CLTRN: variants seen among roughly 807,000 people sequenced by gnomAD.
The protein encoded by CLTRN is collectrin.
In CLTRN, 12 loss-of-function variants were observed where a neutral mutation model predicts 14.5. The observed-to-expected ratio is 0.83, with a 90% CI of 0.53 to 1.34. The LOEUF (loss-of-function observed/expected upper bound fraction) is 1.34. Ranked by LOEUF, CLTRN falls within the 40% of genes most tolerant of loss-of-function variation. The pLI is 0.00. For missense variants in CLTRN, 154 were observed against 165.1 expected, an observed-to-expected ratio of 0.93 and a Z score of 0.37; for synonymous variants, 58 against 56.5, an observed-to-expected ratio of 1.03 and a Z score of -0.12.
At chrX:15,648,598 G>A (rs756021677) in intron 3 of CLTRN, among the ~76,000 whole-genome samples, 2 of 111,317 alleles carry the variant, frequency 1.8e-5, no homozygotes, top group Non-Finnish European at 3.8e-5. Flanking sequence ...AGATCACGAG[G>A]TCAGGAGTTT....
Position 15,662,134 on chromosome X carries a change from C to T in CLTRN, c.117+2203G>A, listed in dbSNP as rs374698325. The stretch of plus-strand genomic sequence containing the variant: ...GTTCTCTTTCTCATGGGTCACATAA[C>T]TATTTCAAACCTCTCTCTAGAGAGA... On this transcript the variant is annotated intron_variant, in intron 2 of 5. Transcript: ENST00000380342. Among the ~76,000 whole-genome samples, 7 of 110,831 alleles carry T rather than the reference C, an allele frequency of 6.3e-5. No homozygotes were observed. The East Asian group carries it at 8.5e-4, about 13-fold the overall frequency.
chrX:15,643,637 T>A (rs184719541), intron 4 of CLTRN, among the ~76,000 whole-genome samples: 1 of 112,184 alleles, frequency 8.9e-6, no homozygotes, highest in Non-Finnish European at 1.9e-5. Flanking sequence ...GTGAGAGTCT[T>A]AACAGTATTC....
In CLTRN at chrX:15,627,821, G is replaced by A; in HGVS notation, c.*150C>T. On this transcript the variant is annotated 3_prime_UTR_variant, in exon 6 of 6. Transcript: ENST00000380342. ...TTCAGTGGTGTTGGTGGGTATAATT[G>A]ATTGCTTTTCACTTTCAAGCACATT... The A allele has an allele frequency of 8.2e-6, 3 of 367,865 alleles. No homozygotes were observed. Among genetic ancestry groups the A allele is most frequent in the Non-Finnish European group, 1.3e-5 (3 of 231,187 alleles). The allele number at this position is 367,865 out of a possible 1,213,427, so 30.3% of individuals were successfully genotyped here. A position where few individuals can be genotyped will look rare whatever the true frequency, so the allele number is the denominator to read the frequency against.
At chrX:15,659,214 G>GCA (rs990990103) in intron 2 of CLTRN, 113 bp from the exon 3 acceptor site, 68 of 242,631 alleles carry the variant, frequency 2.8e-4, no homozygotes, top group East Asian at 1.3e-3. Flanking sequence ...ACACACACAC[G>GCA]CACACACACA....
At chrX:15,630,721 T>C (rs1368609011) in intron 5 of CLTRN, among the ~76,000 whole-genome samples, 2 of 111,844 alleles carry the variant, frequency 1.8e-5, no homozygotes, top group African/African-American at 6.5e-5. Context: ...TAGGGAAAGA[T>C]AGGCTGCTAT....
chrX:15,639,133 C>A (rs918231186), intron 5 of CLTRN, among the ~76,000 whole-genome samples: 4 of 111,728 alleles, frequency 3.6e-5, no homozygotes, highest in Admixed American at 2.9e-4. Context: ...AAGATGGTAG[C>A]CTGCATGCAC....
intron 2 of CLTRN, among the ~76,000 whole-genome samples, chrX:15,662,211 C>T (rs1409066424): frequency 9.2e-6 from 1 of 109,288 alleles, no homozygotes; most frequent in Admixed American, 9.8e-5. Flanking sequence ...AATGGTTTCC[C>T]TCAAACCTCA....
chrX:15,675,344 G>C (rs1929817563), upstream of CLTRN, among the ~76,000 whole-genome samples: 1 of 111,249 alleles, frequency 9.0e-6, no homozygotes, highest in African/African-American at 3.3e-5. Flanking sequence ...GGGCTGCGGA[G>C]TAGTGACCGG....
In CLTRN at chrX:15,663,663, C is replaced by G. The variant is rs765061619; in HGVS notation, c.117+674G>C. Among the ~76,000 whole-genome samples, 8 of 112,294 alleles carry G rather than the reference C, an allele frequency of 7.1e-5. No individual in the cohort carries two copies. In the South Asian group the frequency reaches 3.0e-3, roughly 41 times the overall value. On this transcript the variant is annotated intron_variant, in intron 2 of 5. Coordinates refer to ENST00000380342, the MANE Select transcript of CLTRN (RefSeq NM_020665.6). ...AATACCTCTAAGTTTCTTTAGCACT[C>G]TTTTTTCTGTTTCTATGCCTAAGGC...
chrX:15,675,010 G>A (rs1420425910), exon 1 of CLTRN: 2 of 113,015 alleles, frequency 1.8e-5, no homozygotes, highest in Non-Finnish European at 3.7e-5. Context: ...TGCCTGTTCC[G>A]AGAGAATGGA....
At chrX:15,674,010 T>A (rs1302452507) in intron 1 of CLTRN, among the ~76,000 whole-genome samples, 1 of 112,362 alleles carries the variant, frequency 8.9e-6, no homozygotes, top group Non-Finnish European at 1.9e-5. Context: ...CCATCTTTAA[T>A]TTTCTCAATT....
In CLTRN at chrX:15,664,318, A is replaced by G. The variant is rs1929572786; in HGVS notation, c.117+19T>C. The G allele has an allele frequency of 1.3e-5, 15 of 1,166,307 alleles. No individual in the cohort carries two copies. The highest frequency in any genetic ancestry group is 1.6e-5 in the Non-Finnish European group (14 of 866,540). ...TTAGCAAACAAAATTTAAAAAGAAC[A>G]CTCAGGTGCTCCACTTACTGCTTTA... is the stretch of plus-strand genomic sequence containing the variant. On this transcript the variant is annotated intron_variant, in intron 2 of 5. Coordinates refer to ENST00000380342, the MANE Select transcript of CLTRN (RefSeq NM_020665.6).
intron 3 of CLTRN, among the ~76,000 whole-genome samples, chrX:15,658,201 T>C (rs1463921387): frequency 2.7e-5 from 3 of 112,861 alleles, no homozygotes; most frequent in Non-Finnish European, 5.6e-5. Flanking sequence ...TATTGTCCTG[T>C]ACTGGAGTAA....
chrX:15,669,073 T>C (rs181881702), upstream of CLTRN, among the ~76,000 whole-genome samples: 41 of 112,368 alleles, frequency 3.6e-4, no homozygotes, highest in African/African-American at 1.3e-3. Flanking sequence ...TTTTGATTCA[T>C]AAATCTTATT....
intron 1 of CLTRN, among the ~76,000 whole-genome samples, chrX:15,673,523 T>C (rs754181890): frequency 8.9e-6 from 1 of 112,690 alleles, no homozygotes; most frequent in East Asian, 2.8e-4. Context: ...ATTTCCGGTG[T>C]GTTTAATTTT....
upstream of CLTRN, among the ~76,000 whole-genome samples, chrX:15,668,111 T>G (rs1461278539): frequency 1.8e-5 from 2 of 112,212 alleles, no homozygotes; most frequent in African/African-American, 3.2e-5. Context: ...CAAAAAAAAG[T>G]AGAAAACATC....
chrX:15,648,511 T>C (rs1332215097), intron 3 of CLTRN, among the ~76,000 whole-genome samples: 1 of 111,159 alleles, frequency 9.0e-6, no homozygotes, highest in Non-Finnish European at 1.9e-5. Context: ...TATAATTTTT[T>C]AAATAAAAGA....
upstream of CLTRN, chrX:15,675,158 A>G: frequency 8.9e-6 from 1 of 112,683 alleles, no homozygotes; most frequent in East Asian, 2.8e-4. Flanking sequence ...TTTAGCCCTT[A>G]CGTGAAAGGC....
upstream of CLTRN, among the ~76,000 whole-genome samples, chrX:15,675,364 T>A (rs1601744691): frequency 1.9e-5 from 2 of 107,361 alleles, no homozygotes; most frequent in African/African-American, 3.5e-5. Context: ...GCAAGGGAGG[T>A]GGCGCGAAAA....
Sources: gnomAD v4.1 joint callset for allele counts (sites outside exome capture counted in the v4.1 genomes callset) on GRCh38, gnomAD v4.1.1 for gene constraint, MANE v1.5 for transcripts, NCBI Gene and HGNC (gene_info 2026-07-23, HGNC 2026-07-21) for gene names.